The following WDFY2 variants were observed in gnomAD, a reference collection of about 807,000 sequenced individuals.
The protein encoded by WDFY2 is WD repeat and FYVE domain-containing protein 2.
In WDFY2, 36 loss-of-function variants were observed where a neutral mutation model predicts 56.4. The ratio of observed to expected loss-of-function variants is 0.64; its 90% CI spans 0.49 to 0.84. The LOEUF (loss-of-function observed/expected upper bound fraction) is 0.84. Ranked by LOEUF, WDFY2 falls within the 40% of genes least tolerant of loss-of-function variation. The pLI is 0.00. For missense variants in WDFY2, 444 were observed against 512.2 expected (o/e 0.87, Z 1.29); for synonymous variants, 176 against 183.7 (o/e 0.96, Z 0.34).
chr13:51,718,037 G>A (rs886665417), intron 4 of WDFY2, among the ~76,000 whole-genome samples: 1 of 152,194 alleles, frequency 6.6e-6, no homozygotes, highest in African/African-American at 2.4e-5. Flanking sequence ...TTAAGTGCCT[G>A]GCACTTGTAA....
intron 1 of WDFY2, among the ~76,000 whole-genome samples, chr13:51,642,952 A>C (rs977011568): frequency 1.3e-5 from 2 of 152,196 alleles, no homozygotes; most frequent in Non-Finnish European, 2.9e-5. Context: ...CTGGGATTAC[A>C]GGCGTGAGGC....
rs1405335000 is a variant in WDFY2, at chr13:51,760,729, C to T, written c.*960C>T. The T allele has an allele frequency of 2.0e-5, 3 of 152,256 alleles. No individual in the cohort carries two copies. 9.4% of individuals were successfully genotyped at this position (152,256 alleles called of 1,614,324 possible). ...AACTGTTCCACCTCGGATCAGCAGG[C>T]ATTAGCTTCTCATAAGGAGCACGCA... On this transcript the variant is annotated 3_prime_UTR_variant, in exon 12 of 12. Coordinates refer to ENST00000298125, the MANE Select transcript of WDFY2 (RefSeq NM_052950.4).
chr13:51,724,744 G>A (rs1367250149), intron 5 of WDFY2, among the ~76,000 whole-genome samples: 1 of 152,120 alleles, frequency 6.6e-6, no homozygotes. Flanking sequence ...CATAGTTTAG[G>A]GTTCACTCTT....
At chr13:51,725,894 T>C (rs183198760) in intron 5 of WDFY2, among the ~76,000 whole-genome samples, 1 of 152,182 alleles carries the variant, frequency 6.6e-6, no homozygotes, top group East Asian at 1.9e-4. Context: ...AGGTCTCACT[T>C]TGTTGCCCAG....
intron 2 of WDFY2, among the ~76,000 whole-genome samples, chr13:51,671,525 A>G (rs186405212): frequency 9.9e-5 from 15 of 152,092 alleles, no homozygotes; most frequent in African/African-American, 2.4e-5. Context: ...AGAATTGTCT[A>G]TTCATGTCCT....
chr13:51,740,491 G>A (rs558582951), intron 7 of WDFY2, among the ~76,000 whole-genome samples: 18 of 152,086 alleles, frequency 1.2e-4, no homozygotes, highest in African/African-American at 1.7e-4. Flanking sequence ...CGAGGCGGGC[G>A]GATCACAAGG....
At position 51,759,318 on chromosome 13, in the gene WDFY2, T is replaced by C. The variant is rs574285848; in HGVS notation, c.1174-422T>C. ...ACGTGCTTGGCGTCCAGTTAATGGA[T>C]TGAGTTATTTAATGGATTCAATCTA... On this transcript the variant is annotated intron_variant, in intron 11 of 11. Coordinates refer to ENST00000298125, the MANE Select transcript of WDFY2 (RefSeq NM_052950.4). 1.2e-4 allele frequency among the ~76,000 whole-genome samples: 18 copies of C among 152,286 alleles called. 1 individual carries two copies. The South Asian group carries it at 3.7e-3, about 32-fold the overall frequency.
chr13:51,694,084 C>G (rs1171719718), intron 3 of WDFY2, among the ~76,000 whole-genome samples: 3 of 151,884 alleles, frequency 2.0e-5, no homozygotes, highest in Admixed American at 6.6e-5. Context: ...TGTCTCTGCA[C>G]GTGAGATGGG....
chr13:51,585,112 T>C (rs1401199385), intron 1 of WDFY2, among the ~76,000 whole-genome samples: 2 of 152,214 alleles, frequency 1.3e-5, no homozygotes, highest in African/African-American at 2.4e-5. Flanking sequence ...GGAGGGACTT[T>C]GGTCCATCCC....
At chr13:51,693,741 T>C (rs1205382752) in intron 3 of WDFY2, among the ~76,000 whole-genome samples, 4 of 152,026 alleles carry the variant, frequency 2.6e-5, no homozygotes, top group African/African-American at 9.7e-5. Flanking sequence ...GTATCCTTGT[T>C]AACTTTCTGT....
chr13:51,605,961 A>G (rs944111314), intron 1 of WDFY2, among the ~76,000 whole-genome samples: 4 of 152,208 alleles, frequency 2.6e-5, no homozygotes, highest in African/African-American at 7.2e-5. Context: ...TCTAACATCA[A>G]TCGCAGTTAG....
chr13:51,758,979 C>T (rs375127021), intron 11 of WDFY2, among the ~76,000 whole-genome samples: 14 of 152,268 alleles, frequency 9.2e-5, no homozygotes, highest in Admixed American at 5.2e-4. Context: ...CCCAGGAGTT[C>T]AAGACCAGCC....
intron 2 of WDFY2, among the ~76,000 whole-genome samples, chr13:51,674,566 T>C (rs1404376010): frequency 6.6e-6 from 1 of 151,906 alleles, no homozygotes; most frequent in Non-Finnish European, 1.5e-5. Flanking sequence ...CTATGATGAG[T>C]TGGTTCTTTT....
chr13:51,658,555 G>A (rs1175777328), intron 1 of WDFY2, among the ~76,000 whole-genome samples: 1 of 152,240 alleles, frequency 6.6e-6, no homozygotes. Flanking sequence ...AGTTGATTTA[G>A]TGGAGGGACT....
chr13:51,604,291 C>T (rs1010833608), intron 1 of WDFY2, among the ~76,000 whole-genome samples: 2 of 152,142 alleles, frequency 1.3e-5, no homozygotes, highest in African/African-American at 4.8e-5. Flanking sequence ...ATCTTGCCGC[C>T]TCAGAAATCT....
chr13:51,682,742 C>T (rs1446385063), intron 3 of WDFY2, among the ~76,000 whole-genome samples: 1 of 152,110 alleles, frequency 6.6e-6, no homozygotes, highest in Non-Finnish European at 1.5e-5. Context: ...ATCAAATGCT[C>T]CATAAATATT....
intron 1 of WDFY2, among the ~76,000 whole-genome samples, chr13:51,619,333 G>A (rs193176164): frequency 2.6e-5 from 4 of 151,792 alleles, no homozygotes; most frequent in Admixed American, 1.3e-4. Context: ...GCATGGTGGT[G>A]CACGCCTGTG....
Position 51,696,486 on chromosome 13 carries a change from G to A in WDFY2, c.280-7110G>A, listed in dbSNP as rs993165539. Among the ~76,000 whole-genome samples the A allele has an allele frequency of 3.3e-5, 5 of 152,034 alleles. No individual in the cohort carries two copies. The South Asian group carries it at 8.3e-4, about 25-fold the overall frequency. Reference sequence around the variant, plus strand: ...ACTATAATTAAATCATTTTGGTTCCGGCAAAGGAATAAAACAGGGTTGGAG... The same window carrying A: ...ACTATAATTAAATCATTTTGGTTCCAGCAAAGGAATAAAACAGGGTTGGAG... On this transcript the variant is annotated intron_variant, in intron 3 of 11. Transcript: ENST00000298125.
intron 9 of WDFY2, among the ~76,000 whole-genome samples, chr13:51,755,999 G>A (rs1327617451): frequency 6.6e-5 from 10 of 152,004 alleles, no homozygotes; most frequent in South Asian, 6.2e-4. Flanking sequence ...CTCCTGAGAC[G>A]GCAGTTTCTC....
Sources: allele counts gnomAD v4.1 joint callset (sites outside exome capture counted in the v4.1 genomes callset), GRCh38; gene constraint gnomAD v4.1.1; transcripts MANE v1.5; gene names NCBI Gene and HGNC (gene_info 2026-07-23, HGNC 2026-07-21).